The following UBE3B variants were observed in gnomAD, a reference collection of about 807,000 sequenced individuals.
UBE3B encodes the protein ubiquitin-protein ligase E3B.
A neutral mutation model predicts 132.3 loss-of-function variants in UBE3B; 80 were observed. The ratio of observed to expected loss-of-function variants is 0.60; its 90% CI spans 0.50 to 0.73. The LOEUF is 0.73. Ranked by LOEUF, UBE3B falls within the 30% of genes least tolerant of loss-of-function variation. The pLI, the probability that UBE3B is intolerant of heterozygous loss-of-function variation, is 0.00. For synonymous variants in UBE3B, 487 were observed against 520.4 expected, an observed-to-expected ratio of 0.94 and a Z score of 0.87; for missense variants, 1,196 against 1,362.5, an observed-to-expected ratio of 0.88 and a Z score of 1.92.
At chr12:109,509,784 C>A in intron 16 of UBE3B, 70 bp downstream of exon 16, 4 of 920,674 alleles carry the variant, frequency 4.3e-6, no homozygotes, top group South Asian at 1.7e-5. Flanking sequence ...TCTATGGCAT[C>A]AACTGATTCT....
chr12:109,537,143 C>A (rs1240218050), downstream of UBE3B, among the ~76,000 whole-genome samples: 1 of 152,190 alleles, frequency 6.6e-6, no homozygotes, highest in Non-Finnish European at 1.5e-5. Flanking sequence ...AGCCACCATG[C>A]CCAGCCAGTA....
chr12:109,535,099 T>A lies in UBE3B; in HGVS notation c.*317T>A. The A allele has an allele frequency of 4.1e-6, 1 of 241,480 alleles. No individual in the cohort carries two copies. Among genetic ancestry groups the A allele is most frequent in the Non-Finnish European group, 7.9e-6 (1 of 126,528 alleles). 15.0% of individuals were successfully genotyped at this position (241,480 alleles called of 1,614,324 possible). A position where few individuals can be genotyped will look rare whatever the true frequency, so the allele number is the denominator to read the frequency against. ...TGATCTTTTGGGAGTCTGTCTTTCC[T>A]TAGCCGTCTGAGTGAGCTGTGTATG... On this transcript the variant is annotated 3_prime_UTR_variant, in exon 28 of 28. Transcript: ENST00000342494.
intron 9 of UBE3B, chr12:109,491,407 A>G (rs557777133): frequency 6.5e-6 from 2 of 306,584 alleles, no homozygotes; most frequent in African/African-American, 4.3e-5. Context: ...AGAGGCCAAG[A>G]TGCAATCATT....
chr12:109,499,373 A>G (rs919980026), intron 11 of UBE3B, among the ~76,000 whole-genome samples: 1 of 152,192 alleles, frequency 6.6e-6, no homozygotes, highest in Non-Finnish European at 1.5e-5. Context: ...TTCCAATCTT[A>G]CAAATGAAGA....
intron 23 of UBE3B, among the ~76,000 whole-genome samples, chr12:109,525,679 A>G (rs1882260934): frequency 6.6e-6 from 1 of 152,260 alleles, no homozygotes; most frequent in East Asian, 1.9e-4. Context: ...AAATAAATCT[A>G]TAATCAGATG....
At chr12:109,508,873 T>A in intron 15 of UBE3B, 1 of 471,714 alleles carries the variant, frequency 2.1e-6, no homozygotes, top group Non-Finnish European at 2.8e-6. Flanking sequence ...TAAGTGTCAC[T>A]AGTATGTGTC....
Position 109,521,402 on chromosome 12 carries a change from C to T in UBE3B, c.2254-39C>T. 5.0e-6 allele frequency: 8 copies of T among 1,589,844 alleles called. No individual in the cohort carries two copies. The highest frequency in any genetic ancestry group is 6.9e-6 in the Non-Finnish European group (8 of 1,162,600). On this transcript the variant is annotated intron_variant, in intron 20 of 27. Coordinates refer to ENST00000342494, the MANE Select transcript of UBE3B (RefSeq NM_130466.4). The surrounding 1 kb of genome is among the most constrained non-coding windows in gnomAD (Gnocchi z 4.2). ...AGAGCTGGGCTTGCTCCTTGCAAGG[C>T]ACTTGACCTCTGCCTCTCCCCGTCT...
At position 109,507,687 on chromosome 12, in the gene UBE3B, T is replaced by C. The variant is rs1309080983; in HGVS notation, c.1574T>C (p.Leu525Pro). 6.2e-7 allele frequency: 1 copy of C among 1,614,180 alleles called. No homozygotes were observed. Among genetic ancestry groups the C allele is most frequent in the Admixed American group, 1.7e-5 (1 of 60,020 alleles). ...LNNDTEESKQ[L>P]LAMLMLFCDC... ...AATGACACTGAAGAGTCCAAGCAAC[T>C]CTTGGCCATGCTGATGCTGTTCTGT... The change falls in exon 15 of 28, where the codon CTC becomes CCC. Residue 525 changes from leucine to proline, a missense_variant. Physicochemically the swap from Leu to Pro is moderately conservative, Grantham distance 98. Transcript: ENST00000342494.
intron 15 of UBE3B, chr12:109,509,347 T>G: frequency 3.4e-6 from 1 of 293,358 alleles, no homozygotes. Context: ...GGTGGTTTGC[T>G]GCACCTGTCA....
intron 14 of UBE3B, 85 bp from the exon 15 acceptor site, chr12:109,507,479 T>A: frequency 7.0e-7 from 1 of 1,418,554 alleles, no homozygotes; most frequent in Middle Eastern, 1.9e-4. Flanking sequence ...TAGGTTTAAG[T>A]GTTTTGTTTC....
chr12:109,490,201 CTGGG>C (rs1414944816), intron 8 of UBE3B, 197 bp downstream of exon 8: 1 of 860,842 alleles, frequency 1.2e-6, no homozygotes, highest in African/African-American at 1.7e-5. Flanking sequence ...GACAGTGGTG[CTGGG>C]ATCCCTTGAA....
At chr12:109,531,195 A>T (rs567769188) in intron 26 of UBE3B, among the ~76,000 whole-genome samples, 1 of 152,278 alleles carries the variant, frequency 6.6e-6, no homozygotes, top group South Asian at 2.1e-4. Context: ...GCTTAGGCTG[A>T]TATCAAGATG....
chr12:109,489,505 A>T (rs901021163), intron 7 of UBE3B, among the ~76,000 whole-genome samples: 6 of 152,026 alleles, frequency 3.9e-5, no homozygotes, highest in African/African-American at 1.5e-4. Context: ...TTCAGGCATG[A>T]CCCTGGCCTC....
intron 26 of UBE3B, among the ~76,000 whole-genome samples, chr12:109,531,451 A>G (rs140484084): frequency 2.3e-3 from 353 of 152,296 alleles, no homozygotes; most frequent in African/African-American, 8.3e-3. Context: ...ACTTGACAGA[A>G]TATCAATGAA....
intron 9 of UBE3B, among the ~76,000 whole-genome samples, chr12:109,494,354 C>A (rs1004412777): frequency 6.6e-6 from 1 of 152,140 alleles, no homozygotes; most frequent in African/African-American, 2.4e-5. Context: ...AGAACCTTCC[C>A]AAACTTGCCC....
At chr12:109,532,922 C>T (rs1025891026) in intron 26 of UBE3B, among the ~76,000 whole-genome samples, 3 of 152,222 alleles carry the variant, frequency 2.0e-5, no homozygotes, top group Non-Finnish European at 2.9e-5. Flanking sequence ...GGTGACTGCA[C>T]CTGTGCAGTC....
At chr12:109,526,541 A>C (rs1592965305) in intron 24 of UBE3B, 125 bp downstream of exon 24, 2 of 1,030,548 alleles carry the variant, frequency 1.9e-6, no homozygotes, top group East Asian at 5.1e-5. Flanking sequence ...ATCATAATGG[A>C]ATTTACTGGT....
chr12:109,521,618 ACACATATGTGAT>A lies in UBE3B; in HGVS notation c.2364+70_2364+81del, dbSNP rs1398652476. The A allele has an allele frequency of 7.1e-7, 1 of 1,401,496 alleles. No homozygotes were observed. The highest frequency in any genetic ancestry group is 9.7e-7 in the Non-Finnish European group (1 of 1,031,366). The allele number at this position is 1,401,496 out of a possible 1,614,324, so 86.8% of individuals were successfully genotyped here. ...AACGGTACCATGGGCTTCTTCACAT[ACACATATGTGAT>A]CAGGCTTGGCCATGTAAACTGTCAC... On this transcript the variant is annotated intron_variant, in intron 21 of 27. Transcript: ENST00000342494. The surrounding 1 kb of genome is among the most constrained non-coding windows in gnomAD (Gnocchi z 4.2).
chr12:109,517,490 A>G (rs973109387), intron 19 of UBE3B, among the ~76,000 whole-genome samples: 2 of 152,164 alleles, frequency 1.3e-5, no homozygotes, highest in African/African-American at 2.4e-5. Flanking sequence ...GTCACAATAC[A>G]TTGGTTTTGT....
Sources: gnomAD v4.1 joint callset for allele counts (sites outside exome capture counted in the v4.1 genomes callset) on GRCh38, gnomAD v4.1.1 for gene constraint, Gnocchi (gnomAD v3.1) non-coding constraint, MANE v1.5 for transcripts, NCBI Gene and HGNC (gene_info 2026-07-23, HGNC 2026-07-21) for gene names.